ALDH4A1: variants seen among roughly 807,000 people sequenced by gnomAD.
ALDH4A1 encodes delta-1-pyrroline-5-carboxylate dehydrogenase, mitochondrial.
In ALDH4A1, 46 loss-of-function variants were observed where a neutral mutation model predicts 70.5. The ratio of observed to expected loss-of-function variants is 0.65; its 90% confidence interval spans 0.51 to 0.83. The LOEUF (loss-of-function observed/expected upper bound fraction) is 0.83. Among genes scored for constraint, ALDH4A1 ranks in the 40% least tolerant of loss-of-function variants. The pLI is 0.00. For missense variants in ALDH4A1, 749 were observed against 766.5 expected, an observed-to-expected ratio of 0.98 and a Z score of 0.27; for synonymous variants, 323 against 324.3, an observed-to-expected ratio of 1.00 and a Z score of 0.04.
At chr1:18,897,761 C>T (rs1339501355) in intron 1 of ALDH4A1, among the ~76,000 whole-genome samples, 3 of 152,172 alleles carry the variant, frequency 2.0e-5, no homozygotes, top group Non-Finnish European at 4.4e-5. Flanking sequence ...CTCAGAGGCC[C>T]ATGGTCAGGT....
chr1:18,891,974 G>A (rs1473178315), intron 1 of ALDH4A1, among the ~76,000 whole-genome samples: 1 of 151,920 alleles, frequency 6.6e-6, no homozygotes, highest in African/African-American at 2.4e-5. Flanking sequence ...GTTGCAGTGA[G>A]CTGAGATCAC....
chr1:18,882,804 G>A (rs780795728), intron 7 of ALDH4A1: 47 of 593,094 alleles, frequency 7.9e-5, no homozygotes, highest in Non-Finnish European at 1.3e-4. Flanking sequence ...GGCCAGCCCT[G>A]CCTGCTGCTG....
chr1:18,894,042 G>A lies in ALDH4A1; in HGVS notation c.63-3937C>T, dbSNP rs533165380. Among the ~76,000 whole-genome samples, 7 of 152,332 alleles carry A rather than the reference G, an allele frequency of 4.6e-5. No homozygotes were observed. In the South Asian group the frequency reaches 1.0e-3, roughly 23 times the overall value. On this transcript the variant is annotated intron_variant, in intron 1 of 14. Transcript: ENST00000375341. Reference sequence around the variant, plus strand: ...GATGCACCTTGCAGGGCCATCAGGAGGATTACAAGTGTTGGCCTTTCCTCA... The same window carrying A: ...GATGCACCTTGCAGGGCCATCAGGAAGATTACAAGTGTTGGCCTTTCCTCA...
intron 1 of ALDH4A1, 111 bp downstream of exon 1, chr1:18,902,351 A>G: frequency 1.1e-6 from 1 of 930,282 alleles, no homozygotes; most frequent in Non-Finnish European, 1.5e-6. Context: ...TGACCGAGGC[A>G]GCTTGGGGGT....
intron 1 of ALDH4A1, among the ~76,000 whole-genome samples, chr1:18,902,006 G>A (rs1267780828): frequency 2.0e-5 from 3 of 151,834 alleles, no homozygotes; most frequent in Admixed American, 6.6e-5. Flanking sequence ...GGTAGAAGGA[G>A]AGGACTCGGG....
rs1362250788 is a variant in ALDH4A1 at position 18,871,901 on chromosome 1, G to GTCC, written c.*941_*943dup. ...GGCAGAGGAGGATTCTACAGGCAAC[G>GTCC]TCCTCGGCCCATGCTGACGAACCCA... On this transcript the variant is annotated 3_prime_UTR_variant, in exon 15 of 15. Transcript: ENST00000375341. The GTCC allele has an allele frequency of 6.6e-5, 10 of 152,366 alleles. No homozygotes were observed. Among genetic ancestry groups the GTCC allele is most frequent in the African/African-American group, 2.4e-4 (10 of 41,466 alleles). 9.4% of individuals were successfully genotyped at this position (152,366 alleles called of 1,614,324 possible).
chr1:18,900,666 T>C (rs1202650284), intron 1 of ALDH4A1, among the ~76,000 whole-genome samples: 1 of 152,218 alleles, frequency 6.6e-6, no homozygotes, highest in African/African-American at 2.4e-5. Flanking sequence ...TGAGAAATCC[T>C]GTCTAGGGCA....
intron 1 of ALDH4A1, among the ~76,000 whole-genome samples, chr1:18,902,100 C>T (rs1935818784): frequency 6.6e-6 from 1 of 152,042 alleles, no homozygotes; most frequent in Non-Finnish European, 1.5e-5. Context: ...AGAAGGGCCC[C>T]TCAGGGGAAG....
intron 9 of ALDH4A1, 79 bp from the exon 10 acceptor site, chr1:18,877,691 C>A: frequency 6.6e-7 from 1 of 1,513,286 alleles, no homozygotes. Flanking sequence ...ACCACCTACG[C>A]CATCCATGGC....
intron 9 of ALDH4A1, among the ~76,000 whole-genome samples, chr1:18,878,735 C>T (rs572040417): frequency 5.9e-5 from 9 of 152,184 alleles, no homozygotes; most frequent in Admixed American, 3.9e-4. Context: ...AAGTTCTGCA[C>T]GGGAGGAGTC....
At chr1:18,876,661 C>CTGTGTGTGTGTGTGTGTG (rs10524811) in intron 11 of ALDH4A1, among the ~76,000 whole-genome samples, 194 bp from the exon 12 acceptor site, 8,831 of 146,752 alleles carry the variant, frequency 0.06, 354 homozygotes, top group African/African-American at 0.1. Context: ...GACATGAACA[C>CTGTGTGTGTGTGTGTGTG]TGTGTGTGTG....
chr1:18,889,304 G>A (rs969064060), intron 3 of ALDH4A1, 58 bp downstream of exon 3: 6 of 1,456,656 alleles, frequency 4.1e-6, no homozygotes. Flanking sequence ...CGAGCTGTCA[G>A]AGAAAGAGGT....
Position 18,872,724 on chromosome 1 carries a change from G to A in ALDH4A1, c.*121C>T. The A allele has an allele frequency of 2.6e-6, 2 of 760,930 alleles. No homozygotes were observed. Among genetic ancestry groups the A allele is most frequent in the Non-Finnish European group, 4.5e-6 (2 of 447,112 alleles). 47.1% of individuals were successfully genotyped at this position (760,930 alleles called of 1,614,324 possible). ...AATACAGTGGTAAGAAGGGAGTCAA[G>A]CCCGGATTATAGAAAGGCAGCTGTG... is the stretch of plus-strand genomic sequence containing the variant. On this transcript the variant is annotated 3_prime_UTR_variant, in exon 15 of 15. Coordinates refer to ENST00000375341, the MANE Select transcript of ALDH4A1 (RefSeq NM_003748.4).
Position 18,872,805 on chromosome 1 carries a change from T to C in ALDH4A1, c.*40A>G. On this transcript the variant is annotated 3_prime_UTR_variant, in exon 15 of 15. Transcript: ENST00000375341. ...GGTCTGTGCAGTGAGGTCGGCCACC[T>C]GGACGGACAGACAGCTGGACGGTGG... 1 of 1,563,832 alleles carries C rather than the reference T, an allele frequency of 6.4e-7. No individual in the cohort carries two copies. Among genetic ancestry groups the C allele is most frequent in the Non-Finnish European group, 8.8e-7 (1 of 1,137,880 alleles).
chr1:18,891,425 C>T (rs1935426468), intron 1 of ALDH4A1, among the ~76,000 whole-genome samples: 1 of 152,182 alleles, frequency 6.6e-6, no homozygotes, highest in Non-Finnish European at 1.5e-5. Flanking sequence ...TACCATCTCT[C>T]TCTGGTGTCA....
chr1:18,873,200 G>A (rs1164940653), intron 14 of ALDH4A1, among the ~76,000 whole-genome samples: 5 of 152,132 alleles, frequency 3.3e-5, no homozygotes, highest in Admixed American at 6.5e-5. Context: ...TTGCTGGGAT[G>A]CGAGGATGTC....
intron 11 of ALDH4A1, 111 bp downstream of exon 11, chr1:18,877,097 G>A (rs1458999199): frequency 7.4e-7 from 1 of 1,359,840 alleles, no homozygotes; most frequent in Non-Finnish European, 1.0e-6. Context: ...CTTGATCAAA[G>A]CAGTGGGGCT....
At chr1:18,874,394 C>T in intron 14 of ALDH4A1, 69 bp downstream of exon 14, 2 of 1,432,686 alleles carry the variant, frequency 1.4e-6, no homozygotes, top group Non-Finnish European at 2.0e-6. Flanking sequence ...TCTGAAGCCC[C>T]TCGAGACGTA....
rs1351305488 is a variant in ALDH4A1 at position 18,880,019 on chromosome 1, AGC to A, written c.867-648_867-647del. 7.7e-6 allele frequency among the ~76,000 whole-genome samples: 1 copy of A among 129,090 alleles called. No homozygotes were observed. The highest frequency in any genetic ancestry group is 1.6e-5 in the Non-Finnish European group (1 of 61,380). The allele number at this position is 129,090 out of a possible 152,430, so 84.7% of individuals were successfully genotyped here. On this transcript the variant is annotated intron_variant, in intron 8 of 14. Coordinates refer to ENST00000375341, the MANE Select transcript of ALDH4A1 (RefSeq NM_003748.4). This position sits in a 1 kb window ranked among gnomAD's most constrained non-coding sequence, Gnocchi z 5.1. ...CTAATTTATGGCCTTCCCACCTTTA[AGC>A]CCGCTGCTCATCAGAGCGTGGAGAA...
Sources: allele counts gnomAD v4.1 joint callset (sites outside exome capture counted in the v4.1 genomes callset), GRCh38; gene constraint gnomAD v4.1.1; non-coding constraint Gnocchi (gnomAD v3.1); transcripts MANE v1.5; gene names NCBI Gene and HGNC (gene_info 2026-07-23, HGNC 2026-07-21).